PAFAH1B1: variants seen among roughly 807,000 people sequenced by gnomAD.
The protein encoded by PAFAH1B1 is platelet activating factor acetylhydrolase 1b regulatory subunit 1.
PAFAH1B1 carries 2 observed loss-of-function variants against 57.5 expected under a neutral mutation model. That is an observed-to-expected ratio of 0.03 (90% CI 0.01 to 0.11). The LOEUF (loss-of-function observed/expected upper bound fraction) is 0.11. Among genes scored for constraint, PAFAH1B1 ranks in the 10% least tolerant of loss-of-function variants. The pLI is 1.00. For missense variants in PAFAH1B1, 257 were observed against 512.0 expected (o/e 0.50, Z 4.81); for synonymous variants, 152 against 169.6 (o/e 0.90, Z 0.81).
chr17:2,652,289 C>CAG (rs1555525014), intron 2 of PAFAH1B1, among the ~76,000 whole-genome samples: 3 of 152,046 alleles, frequency 2.0e-5, no homozygotes, highest in Non-Finnish European at 4.4e-5. Context: ...GTGGCGGGTG[C>CAG]CTGTAGTCCC....
intron 1 of PAFAH1B1, among the ~76,000 whole-genome samples, chr17:2,626,593 G>A (rs867742744): frequency 1.8e-5 from 2 of 114,028 alleles, no homozygotes; most frequent in South Asian, 3.2e-4. Context: ...TTGTTCTGTC[G>A]CCCAGAGCTG....
At chr17:2,613,123 CTTTT>C (rs34641583) in intron 1 of PAFAH1B1, among the ~76,000 whole-genome samples, 2 of 116,932 alleles carry the variant, frequency 1.7e-5, no homozygotes, top group African/African-American at 6.1e-5. Context: ...CTTTTTCTTT[CTTTT>C]TTTTTCACAT....
At chr17:2,659,026 G>A (rs914496328) in intron 2 of PAFAH1B1, among the ~76,000 whole-genome samples, 2 of 152,050 alleles carry the variant, frequency 1.3e-5, no homozygotes, top group African/African-American at 4.8e-5. Context: ...CAAGGTGGAC[G>A]AATCACTTGA....
chr17:2,665,300 TTAAA>T (rs1461334100), intron 2 of PAFAH1B1, 68 bp from the exon 3 acceptor site: 7 of 862,254 alleles, frequency 8.1e-6, no homozygotes, highest in South Asian at 6.8e-5. Context: ...TAATGAGATT[TTAAA>T]TAAATTCTAT....
At chr17:2,660,590 T>A (rs555581233) in intron 2 of PAFAH1B1, among the ~76,000 whole-genome samples, 1 of 152,334 alleles carries the variant, frequency 6.6e-6, no homozygotes, top group African/African-American at 2.4e-5. Flanking sequence ...ATCTCATTCC[T>A]TTTTATGGCT....
intron 1 of PAFAH1B1, among the ~76,000 whole-genome samples, chr17:2,599,562 G>C (rs1014284016): frequency 3.3e-5 from 5 of 152,132 alleles, no homozygotes; most frequent in African/African-American, 1.2e-4. Flanking sequence ...AGTTGCATTT[G>C]ACTGAATGGT....
At chr17:2,611,266 G>A (rs1355365156) in intron 1 of PAFAH1B1, among the ~76,000 whole-genome samples, 2 of 151,966 alleles carry the variant, frequency 1.3e-5, no homozygotes, top group Non-Finnish European at 1.5e-5. Context: ...TCAGGAGTTC[G>A]AGACCAGCCT....
chr17:2,604,753 A>T (rs1055715759), intron 1 of PAFAH1B1, among the ~76,000 whole-genome samples: 1 of 152,094 alleles, frequency 6.6e-6, no homozygotes, highest in Non-Finnish European at 1.5e-5. Context: ...TATTGGAGTG[A>T]GCCGAGATGG....
At chr17:2,657,715 C>G (rs1181149624) in intron 2 of PAFAH1B1, among the ~76,000 whole-genome samples, 1 of 152,150 alleles carries the variant, frequency 6.6e-6, no homozygotes, top group East Asian at 1.9e-4. Flanking sequence ...TCTCATTTCT[C>G]TCGTCTTTGA....
intron 1 of PAFAH1B1, among the ~76,000 whole-genome samples, chr17:2,594,939 G>C (rs1026689655): frequency 2.0e-5 from 3 of 152,156 alleles, no homozygotes; most frequent in Non-Finnish European, 2.9e-5. Flanking sequence ...GAGGTTTTCC[G>C]TATTTAGTAG....
intron 1 of PAFAH1B1, chr17:2,613,830 G>A (rs1392413304): frequency 7.6e-6 from 2 of 264,642 alleles, no homozygotes; most frequent in East Asian, 1.0e-4. Context: ...TCGGGCAGGG[G>A]CAGGAATCCG....
chr17:2,602,855 A>C (rs577486612), intron 1 of PAFAH1B1, among the ~76,000 whole-genome samples: 1 of 152,366 alleles, frequency 6.6e-6, no homozygotes, highest in Non-Finnish European at 1.5e-5. Flanking sequence ...CCTTTGTGAC[A>C]GCTTTGTAAG....
In PAFAH1B1 at chr17:2,652,149, C is replaced by A. The variant is rs537383630; in HGVS notation, c.33-13223C>A. Among the ~76,000 whole-genome samples, 21 of 54,756 alleles carry A rather than the reference C, an allele frequency of 3.8e-4. 1 individual carries two copies. The South Asian group carries it at 9.7e-3, about 25-fold the overall frequency. 35.9% of individuals were successfully genotyped at this position (54,756 alleles called of 152,430 possible). On this transcript the variant is annotated intron_variant, in intron 2 of 10. Coordinates refer to ENST00000397195, the MANE Select transcript of PAFAH1B1 (RefSeq NM_000430.4). ...TTTCTAGGCCAGACACAGTGGCTCA[C>A]GCCTGTAATCCCACACTTTGGGAGG...
At chr17:2,650,493 C>T (rs1379858396) in intron 2 of PAFAH1B1, among the ~76,000 whole-genome samples, 3 of 145,352 alleles carry the variant, frequency 2.1e-5, no homozygotes, top group Non-Finnish European at 3.0e-5. Flanking sequence ...GCCTGGGTGA[C>T]AGAGCAAGAC....
chr17:2,655,385 C>T (rs1253015665), intron 2 of PAFAH1B1, among the ~76,000 whole-genome samples: 2 of 152,012 alleles, frequency 1.3e-5, no homozygotes, highest in African/African-American at 4.8e-5. Context: ...AGAGAAGACA[C>T]ATCGTAGGCC....
At chr17:2,606,546 A>G (rs1434126686) in intron 1 of PAFAH1B1, among the ~76,000 whole-genome samples, 3 of 152,030 alleles carry the variant, frequency 2.0e-5, no homozygotes, top group Non-Finnish European at 4.4e-5. Flanking sequence ...TATTTTTAGT[A>G]GAGATGGGGT....
chr17:2,610,554 C>T (rs906876693), intron 1 of PAFAH1B1, among the ~76,000 whole-genome samples: 3 of 152,260 alleles, frequency 2.0e-5, no homozygotes, highest in South Asian at 2.1e-4. Flanking sequence ...ATTTTGACTT[C>T]CCTGGGCCAC....
At chr17:2,639,339 G>T (rs964416601) in intron 2 of PAFAH1B1, 3 of 152,048 alleles carry the variant, frequency 2.0e-5, no homozygotes, top group Non-Finnish European at 4.4e-5. Flanking sequence ...TCTTTCCTTT[G>T]CCTTGTTGTG....
chr17:2,671,955 T>C (rs1177659631), intron 6 of PAFAH1B1, among the ~76,000 whole-genome samples: 1 of 152,104 alleles, frequency 6.6e-6, no homozygotes, highest in Non-Finnish European at 1.5e-5. Context: ...ATTTGCTTTA[T>C]CTTTTTTATA....
Sources: gnomAD v4.1 joint callset for allele counts (sites outside exome capture counted in the v4.1 genomes callset) on GRCh38, gnomAD v4.1.1 for gene constraint, MANE v1.5 for transcripts, NCBI Gene and HGNC (gene_info 2026-07-23, HGNC 2026-07-21) for gene names.